The following EMP2 variants were observed in gnomAD, a reference collection of about 807,000 sequenced individuals.
EMP2 encodes the protein epithelial membrane protein 2.
EMP2 carries 19 observed loss-of-function variants against 13.7 expected under a neutral mutation model. The observed-to-expected ratio is 1.38, with a 90% confidence interval of 0.97 to 2.03. EMP2 has a LOEUF of 2.03. EMP2 is among the 30% of genes most tolerant of loss of function. The pLI, the probability that EMP2 is intolerant of heterozygous loss-of-function variation, is 0.00. For synonymous variants in EMP2, 97 were observed against 84.7 expected, an observed-to-expected ratio of 1.15 and a Z score of -0.80; for missense variants, 253 against 220.7, an observed-to-expected ratio of 1.15 and a Z score of -0.93.
chr16:10,537,773 C>G (rs560280410), intron 4 of EMP2, among the ~76,000 whole-genome samples, 155 bp downstream of exon 4: 8 of 151,880 alleles, frequency 5.3e-5, no homozygotes, highest in Non-Finnish European at 1.0e-4. Context: ...CACACACACA[C>G]ACACACACGC....
At chr16:10,547,359 T>A in intron 2 of EMP2, 181 bp downstream of exon 2, 1 of 632,764 alleles carries the variant, frequency 1.6e-6, no homozygotes, top group South Asian at 2.2e-5. Context: ...TGCTCCTCCT[T>A]TGCCTTCTGC....
intron 1 of EMP2, among the ~76,000 whole-genome samples, chr16:10,558,051 A>G (rs374395210): frequency 9.9e-5 from 15 of 150,770 alleles, no homozygotes; most frequent in African/African-American, 3.7e-4. Context: ...TTTTTTTTAA[A>G]CAGGATCTCT....
intron 1 of EMP2, among the ~76,000 whole-genome samples, chr16:10,559,626 A>C (rs1203221498): frequency 6.6e-6 from 1 of 152,202 alleles, no homozygotes; most frequent in Non-Finnish European, 1.5e-5. Context: ...GCCTGGATTA[A>C]TTTATTCATT....
At chr16:10,572,045 A>G (rs2050952010) in intron 1 of EMP2, among the ~76,000 whole-genome samples, 1 of 152,238 alleles carries the variant, frequency 6.6e-6, no homozygotes. Flanking sequence ...TACTCAAAAC[A>G]TCATATCACC....
In EMP2 at chr16:10,529,064, T is replaced by C. The variant is rs1196542962; in HGVS notation, c.*3841A>G. The stretch of plus-strand genomic sequence containing the variant: ...ACACAGACCAACAAGTCAAGCATTC[T>C]CCAAACTCATTTGAACAGAGACCCA... On this transcript the variant is annotated 3_prime_UTR_variant, in exon 5 of 5. Transcript: ENST00000359543. 1 of 152,196 alleles carries C rather than the reference T, an allele frequency of 6.6e-6. No homozygotes were observed. The highest frequency in any genetic ancestry group is 1.5e-5 in the Non-Finnish European group (1 of 68,046). The allele number at this position is 152,196 out of a possible 1,614,324, so 9.4% of individuals were successfully genotyped here.
At chr16:10,555,409 T>G (rs1041603700) in intron 1 of EMP2, among the ~76,000 whole-genome samples, 11 of 152,336 alleles carry the variant, frequency 7.2e-5, no homozygotes, top group African/African-American at 9.6e-5. Flanking sequence ...CTGCACTAGA[T>G]GAAGTGTTCA....
At chr16:10,539,289 A>T (rs2050675955) in intron 3 of EMP2, among the ~76,000 whole-genome samples, 1 of 152,214 alleles carries the variant, frequency 6.6e-6, no homozygotes, top group Non-Finnish European at 1.5e-5. Flanking sequence ...GTTTTGCCTG[A>T]AAACTCACTG....
chr16:10,561,245 G>A (rs2050869111), intron 1 of EMP2, among the ~76,000 whole-genome samples: 1 of 152,208 alleles, frequency 6.6e-6, no homozygotes, highest in Non-Finnish European at 1.5e-5. Flanking sequence ...TTTGAAGGAT[G>A]AGGGAAACAG....
rs111364972 is a variant in EMP2, at chr16:10,531,748, GATGAATGAATGA to G, written c.*1145_*1156del. Reference sequence around the variant, plus strand: ...ATGCATGCAAGTTATGATTTATGTTGATGAATGAATGAATGAATGAATGAATGAATGAATGAA... The same window carrying G: ...ATGCATGCAAGTTATGATTTATGTTGATGAATGAATGAATGAATGAATGAA... On this transcript the variant is annotated 3_prime_UTR_variant, in exon 5 of 5. Transcript: ENST00000359543. The G allele has an allele frequency of 0.075, 11,393 of 151,878 alleles. 508 individuals are homozygous for G. The highest frequency in any genetic ancestry group is 0.11 in the South Asian group (535 of 4,716). 9.4% of individuals were successfully genotyped at this position (151,878 alleles called of 1,614,324 possible). A position where few individuals can be genotyped will look rare whatever the true frequency, so the allele number is the denominator to read the frequency against.
At chr16:10,573,153 G>A (rs2050959369) in intron 1 of EMP2, among the ~76,000 whole-genome samples, 2 of 152,156 alleles carry the variant, frequency 1.3e-5, no homozygotes, top group Non-Finnish European at 2.9e-5. Flanking sequence ...GGACTCAAGC[G>A]ATCCTCCCAC....
chr16:10,534,387 T>C (rs1265181902), intron 4 of EMP2, among the ~76,000 whole-genome samples: 1 of 152,222 alleles, frequency 6.6e-6, no homozygotes. Context: ...ACTTGTTATG[T>C]AAAAATAGTA....
chr16:10,541,505 T>C (rs1240829761), intron 3 of EMP2, among the ~76,000 whole-genome samples: 1 of 152,176 alleles, frequency 6.6e-6, no homozygotes, highest in Non-Finnish European at 1.5e-5. Context: ...GGCCAGCGGT[T>C]CGCCAACCCC....
chr16:10,549,865 T>G (rs925854411), intron 1 of EMP2, among the ~76,000 whole-genome samples: 1 of 150,170 alleles, frequency 6.7e-6, no homozygotes, highest in Non-Finnish European at 1.5e-5. Context: ...TTCTTTTCTT[T>G]TCTTTTTTTT....
intron 3 of EMP2, 86 bp downstream of exon 3, chr16:10,543,484 A>T: frequency 7.0e-7 from 1 of 1,432,608 alleles, no homozygotes; most frequent in Non-Finnish European, 9.8e-7. Flanking sequence ...AGGAGAGGGT[A>T]CGGAGTCGGG....
intron 1 of EMP2, among the ~76,000 whole-genome samples, chr16:10,557,715 G>A (rs1279581015): frequency 1.3e-5 from 2 of 152,110 alleles, no homozygotes; most frequent in Admixed American, 1.3e-4. Flanking sequence ...GCTGTCTTCA[G>A]ATTCAAGGCC....
intron 2 of EMP2, chr16:10,545,959 G>A (rs2050735783): frequency 1.3e-5 from 2 of 152,334 alleles, no homozygotes; most frequent in Non-Finnish European, 2.9e-5. Context: ...CCCCTGACAG[G>A]CTCTAGGACC....
rs111364972 is a variant in EMP2 at position 10,531,748 on chromosome 16, G to GATGAATGAATGA, written c.*1145_*1156dup. 7.2e-5 allele frequency: 11 copies of GATGAATGAATGA among 151,836 alleles called. No homozygotes were observed. The highest frequency in any genetic ancestry group is 3.3e-4 in the Admixed American group (5 of 15,018). 9.4% of individuals were successfully genotyped at this position (151,836 alleles called of 1,614,324 possible). On this transcript the variant is annotated 3_prime_UTR_variant, in exon 5 of 5. Coordinates refer to ENST00000359543, the MANE Select transcript of EMP2 (RefSeq NM_001424.6). ...ATGCATGCAAGTTATGATTTATGTT[G>GATGAATGAATGA]ATGAATGAATGAATGAATGAATGAA...
chr16:10,538,730 T>C (rs576505488), intron 3 of EMP2, among the ~76,000 whole-genome samples: 123 of 152,242 alleles, frequency 8.1e-4, no homozygotes, highest in African/African-American at 2.6e-3. Context: ...GTGAGGCTAA[T>C]GTGTAGAAAG....
At chr16:10,577,847 G>A (rs1053978081) in intron 1 of EMP2, among the ~76,000 whole-genome samples, 3 of 151,420 alleles carry the variant, frequency 2.0e-5, no homozygotes, top group African/African-American at 4.9e-5. Context: ...TGGAACTCCC[G>A]TGGCTGGAGA....
Sources: allele counts gnomAD v4.1 joint callset (sites outside exome capture counted in the v4.1 genomes callset), GRCh38; gene constraint gnomAD v4.1.1; transcripts MANE v1.5; gene names NCBI Gene and HGNC (gene_info 2026-07-23, HGNC 2026-07-21).